Variants in OSBPL6 observed in about 807,000 individuals in gnomAD.
OSBPL6 encodes oxysterol binding protein like 6.
In OSBPL6, 49 loss-of-function variants were observed where a neutral mutation model predicts 125.8. That is an observed-to-expected ratio of 0.39 (90% CI 0.31 to 0.49). OSBPL6 has a LOEUF of 0.49. Ranked by LOEUF, OSBPL6 falls within the 20% of genes least tolerant of loss-of-function variation. OSBPL6 has a pLI of 0.88. For synonymous variants in OSBPL6, 394 were observed against 391.8 expected (o/e 1.01, Z -0.07); for missense variants, 986 against 1,135.4 (o/e 0.87, Z 1.89).
chr2:178,250,079 A>G (rs781175206), intron 1 of OSBPL6, among the ~76,000 whole-genome samples: 38 of 152,226 alleles, frequency 2.5e-4, no homozygotes, highest in Non-Finnish European at 5.0e-4. Context: ...CACTTCACAG[A>G]TGATGGAAAC....
chr2:178,361,890 G>C, intron 13 of OSBPL6, 75 bp downstream of exon 13: 2 of 1,567,318 alleles, frequency 1.3e-6, no homozygotes, highest in African/African-American at 1.4e-5. Context: ...AAAGATGGGG[G>C]GCTGGCAGGG....
intron 13 of OSBPL6, among the ~76,000 whole-genome samples, chr2:178,370,029 C>G (rs1421402150): frequency 2.0e-5 from 3 of 152,168 alleles, no homozygotes; most frequent in Non-Finnish European, 4.4e-5. Context: ...CTTTGGGAGG[C>G]TGAGGCCAGA....
rs893282092 is a variant in OSBPL6, at chr2:178,305,681, C to G, written c.-155-349C>G. 3.3e-5 allele frequency among the ~76,000 whole-genome samples: 5 copies of G among 152,168 alleles called. No homozygotes were observed. The East Asian group carries it at 9.6e-4, about 29-fold the overall frequency. On this transcript the variant is annotated intron_variant, in intron 2 of 24. Coordinates refer to ENST00000190611, the MANE Select transcript of OSBPL6 (RefSeq NM_032523.4). Reference sequence around the variant, plus strand: ...GACAAACATGGACCGAGCTCTTATTCTAGTCCATTGGGTAGGAGAGATTAC... The same window carrying G: ...GACAAACATGGACCGAGCTCTTATTGTAGTCCATTGGGTAGGAGAGATTAC...
At chr2:178,194,969 A>T (rs2153919586) in intron 1 of OSBPL6, among the ~76,000 whole-genome samples, 1 of 152,106 alleles carries the variant, frequency 6.6e-6, no homozygotes, top group South Asian at 2.1e-4. Context: ...GTTGCCAGGG[A>T]ATTCCGGCCG....
chr2:178,359,933 G>A (rs1408905399), intron 12 of OSBPL6, among the ~76,000 whole-genome samples: 4 of 152,070 alleles, frequency 2.6e-5, no homozygotes, highest in South Asian at 2.1e-4. Context: ...CTAAAATTAC[G>A]AAAATTAGTC....
rs976107826 is a variant in OSBPL6, at chr2:178,276,137, A to G, written c.-350-8790A>G. Among the ~76,000 whole-genome samples, 6 of 152,304 alleles carry G rather than the reference A, an allele frequency of 3.9e-5. No individual in the cohort carries two copies. The Middle Eastern group carries it at 0.01, about 259-fold the overall frequency. ...AAATATATTACGATCATCATAATTC[A>G]TGAGGGAAATATGATCTGAGACTTT... On this transcript the variant is annotated intron_variant, in intron 1 of 24. Transcript: ENST00000190611.
chr2:178,296,427 C>T (rs1308894522), intron 2 of OSBPL6, among the ~76,000 whole-genome samples: 1 of 152,094 alleles, frequency 6.6e-6, no homozygotes, highest in Non-Finnish European at 1.5e-5. Context: ...TGGCTTCAAA[C>T]CCAGGCAATC....
At chr2:178,295,728 G>A (rs1685689527) in intron 2 of OSBPL6, among the ~76,000 whole-genome samples, 2 of 151,754 alleles carry the variant, frequency 1.3e-5, no homozygotes, top group African/African-American at 4.8e-5. Context: ...AAGGTGTTGT[G>A]TTTATATAAT....
At chr2:178,256,725 A>G (rs2091898251) in intron 1 of OSBPL6, among the ~76,000 whole-genome samples, 1 of 152,194 alleles carries the variant, frequency 6.6e-6, no homozygotes, top group African/African-American at 2.4e-5. Context: ...TTAATGCAAA[A>G]TACTTTACCT....
rs2089395691 is a variant in OSBPL6 at position 178,204,005 on chromosome 2, ATTCTT to A, written c.-351+9339_-351+9343del. ...ATACCTATGAGCATGACTTAACTGA[ATTCTT>A]TTCTTTTTCTTTTTCTTTTTTTTTT... On this transcript the variant is annotated intron_variant, in intron 1 of 24. Transcript: ENST00000190611. Among the ~76,000 whole-genome samples the A allele has an allele frequency of 2.7e-5, 4 of 147,740 alleles. No homozygotes were observed. The South Asian group carries it at 6.5e-4, about 24-fold the overall frequency.
chr2:178,342,280 T>C (rs1293595647), intron 11 of OSBPL6, among the ~76,000 whole-genome samples: 1 of 152,116 alleles, frequency 6.6e-6, no homozygotes, highest in Non-Finnish European at 1.5e-5. Flanking sequence ...GTGGTGGTGG[T>C]TGTGGTATTG....
At chr2:178,375,181 G>A (rs145730316) in intron 15 of OSBPL6, among the ~76,000 whole-genome samples, 140 of 152,236 alleles carry the variant, frequency 9.2e-4, no homozygotes, top group African/African-American at 3.0e-3. Flanking sequence ...ATTGCCTGAT[G>A]AGCAAGGGAC....
chr2:178,310,254 T>A (rs1687142482), intron 3 of OSBPL6, among the ~76,000 whole-genome samples: 1 of 152,176 alleles, frequency 6.6e-6, no homozygotes, highest in Non-Finnish European at 1.5e-5. Context: ...TACTTATTTA[T>A]GTTGACTGAC....
chr2:178,209,718 G>A (rs2089747263), intron 1 of OSBPL6, among the ~76,000 whole-genome samples: 1 of 151,858 alleles, frequency 6.6e-6, no homozygotes, highest in African/African-American at 2.4e-5. Flanking sequence ...TTTAAACTGA[G>A]GGCTTCATGG....
rs575553137 is a variant in OSBPL6, at chr2:178,311,036, A to G, written c.102+4750A>G. Among the ~76,000 whole-genome samples, 4 of 152,294 alleles carry G rather than the reference A, an allele frequency of 2.6e-5. No individual in the cohort carries two copies. The South Asian group carries it at 8.3e-4, about 32-fold the overall frequency. On this transcript the variant is annotated intron_variant, in intron 3 of 24. Coordinates refer to ENST00000190611, the MANE Select transcript of OSBPL6 (RefSeq NM_032523.4). ...GAGTAGTACCTTCACAACCTAAGTC[A>G]GAGTGAGCCACTCTTCTGCACCAAG...
chr2:178,372,851 T>C (rs1381509918), intron 14 of OSBPL6, among the ~76,000 whole-genome samples: 1 of 152,042 alleles, frequency 6.6e-6, no homozygotes, highest in African/African-American at 2.4e-5. Context: ...ATTTTTCAGA[T>C]TGAAGAAAAG....
chr2:178,399,809 C>T lies in OSBPL6; in HGVS notation c.*4250C>T, dbSNP rs185249863. 4 of 152,292 alleles carry T rather than the reference C, an allele frequency of 2.6e-5. No individual in the cohort carries two copies. Among genetic ancestry groups the T allele is most frequent in the Non-Finnish European group, 1.5e-5 (1 of 68,020 alleles). 9.4% of individuals were successfully genotyped at this position (152,292 alleles called of 1,614,324 possible). A position where few individuals can be genotyped will look rare whatever the true frequency, so the allele number is the denominator to read the frequency against. On this transcript the variant is annotated 3_prime_UTR_variant, in exon 25 of 25. Coordinates refer to ENST00000190611, the MANE Select transcript of OSBPL6 (RefSeq NM_032523.4). ...CAGTATTTATGTACAGTTTCAGAGA[C>T]ATTCAATATTGAAAACCACTTCAGT...
chr2:178,269,844 T>C (rs927263316), intron 1 of OSBPL6, among the ~76,000 whole-genome samples: 2 of 152,230 alleles, frequency 1.3e-5, no homozygotes, highest in African/African-American at 2.4e-5. Flanking sequence ...AGGAAAAGCA[T>C]AGTGGCAGCC....
rs1696031481 is a variant in OSBPL6 at position 178,399,392 on chromosome 2, C to T, written c.*3833C>T. 6.6e-6 allele frequency: 1 copy of T among 152,148 alleles called. No individual in the cohort carries two copies. 9.4% of individuals were successfully genotyped at this position (152,148 alleles called of 1,614,324 possible). A position where few individuals can be genotyped will look rare whatever the true frequency, so the allele number is the denominator to read the frequency against. ...TTAAACTGTACATTGCATAATCATT[C>T]TGTTAAACTAAACCTTTGTTTAATA... On this transcript the variant is annotated 3_prime_UTR_variant, in exon 25 of 25. Transcript: ENST00000190611.
Sources: allele counts gnomAD v4.1 joint callset (sites outside exome capture counted in the v4.1 genomes callset), GRCh38; gene constraint gnomAD v4.1.1; transcripts MANE v1.5; gene names NCBI Gene and HGNC (gene_info 2026-07-23, HGNC 2026-07-21).